Variants in PLEKHA7 observed in about 807,000 individuals in gnomAD.
The protein encoded by PLEKHA7 is pleckstrin homology domain containing A7.
In PLEKHA7, 104 loss-of-function variants were observed where a neutral mutation model predicts 170.0. The observed-to-expected ratio is 0.61, with a 90% CI of 0.52 to 0.72. The LOEUF (loss-of-function observed/expected upper bound fraction) is 0.72, where lower values mean the gene tolerates loss of function less well. PLEKHA7 is among the 30% of genes least tolerant of loss of function. The probability of loss-of-function intolerance (pLI) is 0.00; values close to 1 mark genes in which losing one functional copy is unlikely to be tolerated. For synonymous variants in PLEKHA7, 648 were observed against 660.8 expected, an observed-to-expected ratio of 0.98 and a Z score of 0.30; for missense variants, 1,615 against 1,671.7, an observed-to-expected ratio of 0.97 and a Z score of 0.59.
At chr11:16,792,060 A>G (rs1367795534) in intron 19 of PLEKHA7, among the ~76,000 whole-genome samples, 2 of 152,208 alleles carry the variant, frequency 1.3e-5, no homozygotes, top group African/African-American at 4.8e-5. Context: ...AAAGTTCAGG[A>G]AAGAGCACTC....
chr11:17,008,527 T>G (rs1432004276), intron 3 of PLEKHA7, among the ~76,000 whole-genome samples: 1 of 152,200 alleles, frequency 6.6e-6, no homozygotes, highest in Non-Finnish European at 1.5e-5. Context: ...TCACCTTGCT[T>G]ATTCTCCTCC....
chr11:16,802,877 T>C, intron 15 of PLEKHA7, 95 bp downstream of exon 15: 1 of 1,083,114 alleles, frequency 9.2e-7, no homozygotes, highest in Non-Finnish European at 1.4e-6. Context: ...ACATCTGCTC[T>C]TCAATACTAA....
At chr11:16,857,023 C>A (rs150053092) in intron 4 of PLEKHA7, among the ~76,000 whole-genome samples, 1 of 152,320 alleles carries the variant, frequency 6.6e-6, no homozygotes, top group East Asian at 1.9e-4. Flanking sequence ...GCTGACGAAG[C>A]AACACTCATA....
intron 3 of PLEKHA7, among the ~76,000 whole-genome samples, chr11:16,976,518 C>T (rs1234449829): frequency 6.6e-6 from 1 of 152,208 alleles, no homozygotes; most frequent in Non-Finnish European, 1.5e-5. Flanking sequence ...AGCACAGAGA[C>T]GTAGCAATGT....
intron 3 of PLEKHA7, among the ~76,000 whole-genome samples, chr11:16,956,758 G>T (rs375244880): frequency 5.9e-5 from 9 of 152,128 alleles, no homozygotes; most frequent in African/African-American, 2.2e-4. Context: ...CTTTATTCTG[G>T]TGCTTCCTGC....
intron 13 of PLEKHA7, among the ~76,000 whole-genome samples, chr11:16,807,568 T>C (rs1420545350): frequency 1.3e-5 from 2 of 152,194 alleles, no homozygotes; most frequent in African/African-American, 4.8e-5. Flanking sequence ...AGGAACATGA[T>C]AGAAGGGAAC....
chr11:16,923,373 T>G (rs1859242087), intron 3 of PLEKHA7, among the ~76,000 whole-genome samples: 1 of 152,136 alleles, frequency 6.6e-6, no homozygotes, highest in South Asian at 2.1e-4. Flanking sequence ...AAGAGCCCTG[T>G]GTGTTAGGGG....
chr11:16,857,706 GAA>G (rs1308413864), intron 4 of PLEKHA7, among the ~76,000 whole-genome samples: 11 of 143,292 alleles, frequency 7.7e-5, no homozygotes, highest in African/African-American at 2.8e-4. Flanking sequence ...AGATTTGTTT[GAA>G]TTTGTTTGTT....
chr11:16,928,753 C>T (rs1859734514), intron 3 of PLEKHA7, among the ~76,000 whole-genome samples: 1 of 152,062 alleles, frequency 6.6e-6, no homozygotes, highest in Admixed American at 6.5e-5. Context: ...CAGCACCTGG[C>T]CCTCATGTAG....
At position 16,789,924 on chromosome 11, in the gene PLEKHA7, T is replaced by C. The variant is rs944020509; in HGVS notation, c.3053-46A>G. ...GCAAGCATGTTTGTGCTGGGGTGGA[T>C]GGGTCCCTGCTTCTCCCTCATCACA... On this transcript the variant is annotated intron_variant, in intron 21 of 26. Coordinates refer to ENST00000531066, the MANE Select transcript of PLEKHA7 (RefSeq NM_001329630.2). This position sits in a 1 kb window ranked among gnomAD's most constrained non-coding sequence, Gnocchi z 4.6. 6.5e-7 allele frequency: 1 copy of C among 1,526,784 alleles called. No individual in the cohort carries two copies. Among genetic ancestry groups the C allele is most frequent in the African/African-American group, 1.4e-5 (1 of 73,284 alleles). The allele number at this position is 1,526,784 out of a possible 1,614,324, so 94.6% of individuals were successfully genotyped here. A position where few individuals can be genotyped will look rare whatever the true frequency, so the allele number is the denominator to read the frequency against.
chr11:16,893,158 T>C (rs1017053086), intron 3 of PLEKHA7, among the ~76,000 whole-genome samples: 2 of 152,060 alleles, frequency 1.3e-5, no homozygotes, highest in African/African-American at 4.8e-5. Context: ...CAAGGTATTA[T>C]CATCTTAACT....
intron 26 of PLEKHA7, among the ~76,000 whole-genome samples, chr11:16,781,798 C>T (rs908156196): frequency 6.6e-6 from 1 of 152,128 alleles, no homozygotes; most frequent in African/African-American, 2.4e-5. Flanking sequence ...AGGACCCTGC[C>T]GGCCACATCC....
At chr11:16,916,681 C>G (rs1253786713) in intron 3 of PLEKHA7, among the ~76,000 whole-genome samples, 1 of 152,188 alleles carries the variant, frequency 6.6e-6, no homozygotes. Context: ...CTGAAAACAG[C>G]CACAGAGACT....
chr11:16,890,758 A>T (rs1054805416), intron 3 of PLEKHA7, among the ~76,000 whole-genome samples: 1 of 152,206 alleles, frequency 6.6e-6, no homozygotes, highest in Non-Finnish European at 1.5e-5. Context: ...CCCGAAAACA[A>T]GGATTAAGAA....
At position 16,826,239 on chromosome 11, in the gene PLEKHA7, C is replaced by T. The variant is rs779873733; in HGVS notation, c.1224G>A (p.Gly408=). The T allele has an allele frequency of 6.2e-7, 1 of 1,614,240 alleles. No homozygotes were observed. Among genetic ancestry groups the T allele is most frequent in the Non-Finnish European group, 8.5e-7 (1 of 1,180,048 alleles). Residue 408 remains glycine, a synonymous_variant, in exon 10 of 27, where the codon GGG becomes GGA. Transcript: ENST00000531066. ...PASYGPGEQN[G]TGGYQRAFPP... is the part of the protein sequence containing the mutation. ...GAAAGGCCCGCTGGTACCCACCAGT[C>T]CCATTCTGTTCTCCTGGGCCATATG...
chr11:16,826,622 C>A, intron 9 of PLEKHA7, 32 bp from the exon 10 acceptor site: 1 of 1,571,198 alleles, frequency 6.4e-7, no homozygotes, highest in Admixed American at 1.7e-5. Flanking sequence ...CAGTTTGCTC[C>A]ACAGCCAAGA....
chr11:16,832,914 A>T (rs1413308836), intron 9 of PLEKHA7, among the ~76,000 whole-genome samples: 1 of 152,154 alleles, frequency 6.6e-6, no homozygotes, highest in Non-Finnish European at 1.5e-5. Context: ...CAGTCTCAGG[A>T]ATAGGGTGGG....
chr11:16,887,264 TG>T (rs1478966823), intron 3 of PLEKHA7, among the ~76,000 whole-genome samples: 1 of 151,778 alleles, frequency 6.6e-6, no homozygotes, highest in Non-Finnish European at 1.5e-5. Context: ...ATGGGCAATA[TG>T]GCAAAACCCC....
chr11:16,985,508 AG>A (rs1863669857), intron 3 of PLEKHA7, among the ~76,000 whole-genome samples: 1 of 151,136 alleles, frequency 6.6e-6, no homozygotes, highest in Non-Finnish European at 1.5e-5. Context: ...TGCAGTGCCA[AG>A]AGTGCAAGGG....
Sources: gnomAD v4.1 joint callset for allele counts (sites outside exome capture counted in the v4.1 genomes callset) on GRCh38, gnomAD v4.1.1 for gene constraint, Gnocchi (gnomAD v3.1) non-coding constraint, MANE v1.5 for transcripts, NCBI Gene and HGNC (gene_info 2026-07-23, HGNC 2026-07-21) for gene names.